The following NALF1 variants were observed in gnomAD, a reference collection of about 807,000 sequenced individuals.
NALF1 encodes NALCN channel auxiliary factor 1, also known as family with sequence similarity 155 member A.
Under a neutral mutation model 48.4 loss-of-function variants are expected in NALF1, and 3 were observed. The ratio of observed to expected loss-of-function variants is 0.06; its 90% CI spans 0.03 to 0.16. NALF1 has a LOEUF of 0.16. Among genes scored for constraint, NALF1 ranks in the 10% least tolerant of loss-of-function variants. The probability of loss-of-function intolerance (pLI) is 1.00; values close to 1 mark genes in which losing one functional copy is unlikely to be tolerated. For missense variants in NALF1, 526 were observed against 571.5 expected (o/e 0.92, Z 0.81); for synonymous variants, 262 against 245.7 (o/e 1.07, Z -0.62).
intron 1 of NALF1, among the ~76,000 whole-genome samples, chr13:107,255,458 A>G (rs1880794575): frequency 6.6e-6 from 1 of 152,080 alleles, no homozygotes; most frequent in South Asian, 2.1e-4. Flanking sequence ...TAACAGCCGG[A>G]CCCTGCCCTC....
chr13:107,632,531 C>T (rs1356268096), intron 1 of NALF1, among the ~76,000 whole-genome samples: 1 of 152,102 alleles, frequency 6.6e-6, no homozygotes, highest in African/African-American at 2.4e-5. Context: ...TCCAGAACTA[C>T]TGATCCTCTC....
At chr13:107,637,788 G>A (rs549255866) in intron 1 of NALF1, among the ~76,000 whole-genome samples, 1 of 152,212 alleles carries the variant, frequency 6.6e-6, no homozygotes, top group East Asian at 1.9e-4. Context: ...AAGTTTTTGA[G>A]AAGAAACTGA....
chr13:107,277,339 G>T (rs1881301393), intron 1 of NALF1, among the ~76,000 whole-genome samples: 1 of 152,212 alleles, frequency 6.6e-6, no homozygotes, highest in African/African-American at 2.4e-5. Flanking sequence ...AAGAGTTAGA[G>T]AATAGGCTAT....
chr13:107,346,222 G>T lies in NALF1; in HGVS notation c.916-135467C>A, dbSNP rs965983319. On this transcript the variant is annotated intron_variant, in intron 1 of 2. Transcript: ENST00000375915. ...GCTATTATGGAAAACAGCAAGAAAGGCCCTCAAAATTAAAGATAGAACTCC... is the reference window on the plus strand; with the variant it reads ...GCTATTATGGAAAACAGCAAGAAAGTCCCTCAAAATTAAAGATAGAACTCC... Among the ~76,000 whole-genome samples the T allele has an allele frequency of 2.8e-4, 42 of 152,014 alleles. 1 individual carries two copies. Among genetic ancestry groups the T allele is most frequent in the African/African-American group, 8.9e-4 (37 of 41,392 alleles).
intron 1 of NALF1, among the ~76,000 whole-genome samples, chr13:107,656,459 T>C (rs1290516386): frequency 6.6e-6 from 1 of 152,142 alleles, no homozygotes; most frequent in African/African-American, 2.4e-5. Flanking sequence ...CACAATGCGA[T>C]ACCACCTCAC....
At chr13:107,627,946 T>A (rs546753770) in intron 1 of NALF1, among the ~76,000 whole-genome samples, 23 of 152,260 alleles carry the variant, frequency 1.5e-4, no homozygotes, top group African/African-American at 5.1e-4. Flanking sequence ...AAAAATTTAA[T>A]GACCAGTCAA....
At chr13:107,551,054 T>C (rs1233989083) in intron 1 of NALF1, among the ~76,000 whole-genome samples, 1 of 152,164 alleles carries the variant, frequency 6.6e-6, no homozygotes, top group East Asian at 1.9e-4. Flanking sequence ...TGCTGTGTCC[T>C]TTCTCACTTC....
intron 1 of NALF1, among the ~76,000 whole-genome samples, chr13:107,325,419 A>T (rs998556574): frequency 6.6e-6 from 1 of 152,208 alleles, no homozygotes; most frequent in African/African-American, 2.4e-5. Context: ...ACTAAAGACA[A>T]ATAATTCATG....
At chr13:107,693,884 T>G (rs1881632676) in intron 1 of NALF1, among the ~76,000 whole-genome samples, 1 of 152,192 alleles carries the variant, frequency 6.6e-6, no homozygotes, top group Non-Finnish European at 1.5e-5. Flanking sequence ...CTTCATGGTT[T>G]GCTTGCAAGA....
chr13:107,849,787 TTTC>T (rs1202648269), intron 1 of NALF1, among the ~76,000 whole-genome samples: 6 of 152,222 alleles, frequency 3.9e-5, no homozygotes, highest in African/African-American at 1.4e-4. Flanking sequence ...TCCTTTTTTC[TTTC>T]TTTTCTTCTT....
chr13:107,775,582 G>A (rs1275675353), intron 1 of NALF1, among the ~76,000 whole-genome samples: 6 of 151,362 alleles, frequency 4.0e-5, no homozygotes, highest in African/African-American at 1.2e-4. Flanking sequence ...GTAATGGGAT[G>A]GCTGGGTCAA....
intron 2 of NALF1, among the ~76,000 whole-genome samples, chr13:107,209,615 G>T (rs546006541): frequency 1.3e-5 from 2 of 152,140 alleles, no homozygotes; most frequent in African/African-American, 4.8e-5. Context: ...GTAAATAAGC[G>T]ATGCTGAAAT....
At chr13:107,219,498 A>G (rs1354414896) in intron 1 of NALF1, among the ~76,000 whole-genome samples, 1 of 152,238 alleles carries the variant, frequency 6.6e-6, no homozygotes, top group Non-Finnish European at 1.5e-5. Context: ...GTCTTAAATA[A>G]GAAATCTGAA....
chr13:107,751,884 A>C (rs1280871408), intron 1 of NALF1, among the ~76,000 whole-genome samples: 3 of 152,122 alleles, frequency 2.0e-5, no homozygotes, highest in African/African-American at 7.2e-5. Context: ...AAATAATATC[A>C]AAACAAATTC....
At chr13:107,790,823 T>C (rs1435962136) in intron 1 of NALF1, among the ~76,000 whole-genome samples, 1 of 151,950 alleles carries the variant, frequency 6.6e-6, no homozygotes, top group Non-Finnish European at 1.5e-5. Context: ...CTTTTAGTTA[T>C]ATAATATACA....
At chr13:107,317,143 A>T (rs558571246) in intron 1 of NALF1, among the ~76,000 whole-genome samples, 2 of 152,288 alleles carry the variant, frequency 1.3e-5, no homozygotes, top group East Asian at 3.9e-4. Flanking sequence ...ACTTAGTTTT[A>T]CACTTAATCT....
intron 1 of NALF1, among the ~76,000 whole-genome samples, chr13:107,854,868 CAAAA>C (rs35071894): frequency 1.2e-5 from 1 of 81,942 alleles, no homozygotes. Flanking sequence ...GGTTCCATCT[CAAAA>C]AAAAAAAAAA....
intron 1 of NALF1, among the ~76,000 whole-genome samples, chr13:107,748,058 C>T (rs1262482956): frequency 6.6e-6 from 1 of 152,080 alleles, no homozygotes; most frequent in Non-Finnish European, 1.5e-5. Context: ...AACGTAACAA[C>T]AAAATTCAAT....
chr13:107,599,421 C>A (rs1366711214), intron 1 of NALF1, among the ~76,000 whole-genome samples: 613 of 121,896 alleles, frequency 5.0e-3, no homozygotes, highest in South Asian at 5.8e-3. Context: ...GACTCCGTCT[C>A]AAAAAAAAAA....
Sources: gnomAD v4.1 joint callset for allele counts (sites outside exome capture counted in the v4.1 genomes callset) on GRCh38, gnomAD v4.1.1 for gene constraint, MANE v1.5 for transcripts, NCBI Gene and HGNC (gene_info 2026-07-23, HGNC 2026-07-21) for gene names.